Variants in GNA15 observed in about 807,000 individuals in gnomAD.
GNA15 encodes the protein guanine nucleotide-binding protein subunit alpha-15.
A neutral mutation model predicts 40.1 loss-of-function variants in GNA15; 23 were observed. The observed-to-expected ratio is 0.57, with a 90% CI of 0.41 to 0.81. GNA15 has a LOEUF of 0.81. Ranked by LOEUF, GNA15 falls within the 40% of genes least tolerant of loss-of-function variation. The pLI is 0.00. For missense variants in GNA15, 522 were observed against 515.8 expected, an observed-to-expected ratio of 1.01 and a Z score of -0.12; for synonymous variants, 226 against 210.4, an observed-to-expected ratio of 1.07 and a Z score of -0.64.
rs148177937 is a variant in GNA15 at position 3,161,293 on chromosome 19, C to A, written c.899-1500C>A. On this transcript the variant is annotated intron_variant, in intron 6 of 6. Transcript: ENST00000262958. Reference sequence around the variant, plus strand: ...CTTAACTAATTACATCTGCAAATATCCGATTTCTAAAAGTCATATTCTGAA... The same window carrying A: ...CTTAACTAATTACATCTGCAAATATACGATTTCTAAAAGTCATATTCTGAA... Among the ~76,000 whole-genome samples the A allele has an allele frequency of 9.1e-4, 139 of 152,246 alleles. 1 individual carries two copies. Among genetic ancestry groups the A allele is most frequent in the African/African-American group, 3.0e-3 (123 of 41,526 alleles).
chr19:3,145,357 A>AT (rs1425408476), intron 1 of GNA15, among the ~76,000 whole-genome samples: 679 of 41,608 alleles, frequency 0.016, 13 homozygotes, highest in Non-Finnish European at 0.022. Flanking sequence ...ATATATATAT[A>AT]TATTTTTTTT....
Position 3,151,901 on chromosome 19 carries a change from C to A in GNA15, c.614+66C>A. ...GCTTCCTGTAGGAAGGGCAAAGGAG[C>A]TGGGGCCCTGAGGGATGAGTAGGAG... On this transcript the variant is annotated intron_variant, in intron 4 of 6. Coordinates refer to ENST00000262958, the MANE Select transcript of GNA15 (RefSeq NM_002068.4). The surrounding 1 kb of genome is among the most constrained non-coding windows in gnomAD (Gnocchi z 5.0). 8.0e-7 allele frequency: 1 copy of A among 1,244,650 alleles called. No homozygotes were observed. Among genetic ancestry groups the A allele is most frequent in the Non-Finnish European group, 1.1e-6 (1 of 890,914 alleles). 77.1% of individuals were successfully genotyped at this position (1,244,650 alleles called of 1,614,324 possible).
At chr19:3,156,291 C>T (rs553141527) in intron 5 of GNA15, among the ~76,000 whole-genome samples, 10 of 152,010 alleles carry the variant, frequency 6.6e-5, no homozygotes, top group Admixed American at 2.0e-4. Flanking sequence ...CGTGCACACA[C>T]GGGACACATG....
chr19:3,144,683 C>G (rs1914659632), intron 1 of GNA15, among the ~76,000 whole-genome samples: 1 of 151,322 alleles, frequency 6.6e-6, no homozygotes, highest in Non-Finnish European at 1.5e-5. Flanking sequence ...CGCCCGCCAC[C>G]ATGCCCGGTT....
At chr19:3,145,359 A>ATATATATATATTTTTTT in intron 1 of GNA15, among the ~76,000 whole-genome samples, 9 of 46,968 alleles carry the variant, frequency 1.9e-4, no homozygotes, top group Admixed American at 5.3e-4. Context: ...ATATATATAT[A>ATATATATATATTTTTTT]TTTTTTTTTT....
At chr19:3,150,989 G>T (rs770514981) in intron 3 of GNA15, among the ~76,000 whole-genome samples, 1 of 151,610 alleles carries the variant, frequency 6.6e-6, no homozygotes, top group African/African-American at 2.4e-5. Flanking sequence ...GTTCCTAGGG[G>T]TGATCCTGTT....
Position 3,148,590 on chromosome 19 carries a change from G to T in GNA15, c.146-1G>T. 1 of 1,570,546 alleles carries T rather than the reference G, an allele frequency of 6.4e-7. No individual in the cohort carries two copies. The highest frequency in any genetic ancestry group is 8.6e-7 in the Non-Finnish European group (1 of 1,157,542). On this transcript the variant is annotated splice_acceptor_variant, in intron 1 of 6. Coordinates refer to ENST00000262958, the MANE Select transcript of GNA15 (RefSeq NM_002068.4). LOFTEE classifies it high-confidence loss of function. ...GAGCGGTTCTGCTGCTCCATCCCCAGGCCCAGGCGAGAGCGGGAAGAGCAC... is the reference window on the plus strand; with the variant it reads ...GAGCGGTTCTGCTGCTCCATCCCCATGCCCAGGCGAGAGCGGGAAGAGCAC...
At chr19:3,162,519 CTCTT>C (rs1166068869) in intron 6 of GNA15, among the ~76,000 whole-genome samples, 2 of 152,244 alleles carry the variant, frequency 1.3e-5, no homozygotes, top group Non-Finnish European at 2.9e-5. Context: ...GAGAGTGTCT[CTCTT>C]TAACACAGTT....
At chr19:3,137,335 C>T (rs145347180) in intron 1 of GNA15, among the ~76,000 whole-genome samples, 29 of 152,238 alleles carry the variant, frequency 1.9e-4, no homozygotes, top group Non-Finnish European at 3.8e-4. Flanking sequence ...GGGGAGTCGA[C>T]GTCAGTAACG....
At chr19:3,137,960 CAATA>C (rs532603975) in intron 1 of GNA15, among the ~76,000 whole-genome samples, 54 of 151,746 alleles carry the variant, frequency 3.6e-4, no homozygotes, top group African/African-American at 1.2e-3. Context: ...GACTCATTGT[CAATA>C]AATAAATAAA....
chr19:3,137,600 G>A (rs558660949), intron 1 of GNA15, among the ~76,000 whole-genome samples: 4 of 152,236 alleles, frequency 2.6e-5, no homozygotes, highest in South Asian at 4.1e-4. Context: ...TGACCAACAC[G>A]GTGAAACCCC....
At position 3,151,621 on chromosome 19, in the gene GNA15, A is replaced by G. The variant is rs541631190; in HGVS notation, c.486-86A>G. The G allele has an allele frequency of 1.4e-6, 2 of 1,428,258 alleles. No individual in the cohort carries two copies. Among genetic ancestry groups the G allele is most frequent in the South Asian group, 3.1e-5 (2 of 64,950 alleles). 88.5% of individuals were successfully genotyped at this position (1,428,258 alleles called of 1,614,324 possible). Reference sequence around the variant, plus strand: ...ACCCAGGGAGCTCTCCTCCCCCAGCAGGGTCCTTGCTGGGCCTTTCGTAGG... The same window carrying G: ...ACCCAGGGAGCTCTCCTCCCCCAGCGGGGTCCTTGCTGGGCCTTTCGTAGG... On this transcript the variant is annotated intron_variant, in intron 3 of 6. Coordinates refer to ENST00000262958, the MANE Select transcript of GNA15 (RefSeq NM_002068.4). This position sits in a 1 kb window ranked among gnomAD's most constrained non-coding sequence, Gnocchi z 5.0.
At chr19:3,148,863 G>C in intron 2 of GNA15, 88 bp downstream of exon 2, 3 of 1,361,236 alleles carry the variant, frequency 2.2e-6, no homozygotes, top group Non-Finnish European at 3.0e-6. Context: ...AAGTTCCCCA[G>C]ACTTCAGGGC....
At chr19:3,153,199 A>T (rs1403420949) in intron 4 of GNA15, among the ~76,000 whole-genome samples, 1 of 151,516 alleles carries the variant, frequency 6.6e-6, no homozygotes, top group Non-Finnish European at 1.5e-5. Flanking sequence ...GGGACACAAT[A>T]GTAGTGTTAG....
At chr19:3,161,124 T>C (rs1256916280) in intron 6 of GNA15, among the ~76,000 whole-genome samples, 1 of 152,008 alleles carries the variant, frequency 6.6e-6, no homozygotes, top group Non-Finnish European at 1.5e-5. Flanking sequence ...TGTATATTTC[T>C]GTAGAGACAG....
rs1914995885 is a variant in GNA15, at chr19:3,155,714, T to A, written c.615-109T>A. The A allele has an allele frequency of 1.5e-5, 19 of 1,280,868 alleles. No homozygotes were observed. Among genetic ancestry groups the A allele is most frequent in the Admixed American group, 2.1e-5 (1 of 47,682 alleles). 79.3% of individuals were successfully genotyped at this position (1,280,868 alleles called of 1,614,324 possible). ...AAATCCACGAGAGGCTAGCACCTAT[T>A]CTTGCTGTCGCTATTATGGATCTTG... On this transcript the variant is annotated intron_variant, in intron 4 of 6. Transcript: ENST00000262958. This position sits in a 1 kb window ranked among gnomAD's most constrained non-coding sequence, Gnocchi z 5.6.
In GNA15 at chr19:3,156,208, G is replaced by GTGCACACATGCACA. The variant is rs1555707148; in HGVS notation, c.744+264_744+265insTGCACATGCACACA. Reference sequence around the variant, plus strand: ...CACACACACACACACACACACTACAGTGCACACACGCACATACACAATGCA... The same window carrying GTGCACACATGCACA: ...CACACACACACACACACACACTACAGTGCACACATGCACATGCACACACGCACATACACAATGCA... On this transcript the variant is annotated intron_variant, in intron 5 of 6. Transcript: ENST00000262958. Among the ~76,000 whole-genome samples the GTGCACACATGCACA allele has an allele frequency of 1.1e-4, 14 of 128,910 alleles. No individual in the cohort carries two copies. In the South Asian group the frequency reaches 2.5e-3, roughly 23 times the overall value. The allele number at this position is 128,910 out of a possible 152,430, so 84.6% of individuals were successfully genotyped here.
At chr19:3,149,218 C>T (rs1034797206) in intron 2 of GNA15, 4 of 174,166 alleles carry the variant, frequency 2.3e-5, no homozygotes, top group Admixed American at 5.9e-5. Context: ...CACTCAAACA[C>T]GCCCATGCAC....
At chr19:3,150,731 G>A (rs1401676988) in intron 3 of GNA15, among the ~76,000 whole-genome samples, 1 of 151,990 alleles carries the variant, frequency 6.6e-6, no homozygotes, top group Non-Finnish European at 1.5e-5. Context: ...CTGTTCCTGG[G>A]GGAACCGTAT....
Sources: allele counts gnomAD v4.1 joint callset (sites outside exome capture counted in the v4.1 genomes callset), GRCh38; gene constraint gnomAD v4.1.1; non-coding constraint Gnocchi (gnomAD v3.1); transcripts MANE v1.5; gene names NCBI Gene and HGNC (gene_info 2026-07-23, HGNC 2026-07-21).